Variants in IL18RAP observed in about 807,000 individuals in gnomAD.
IL18RAP encodes interleukin 18 receptor accessory protein.
A neutral mutation model predicts 58.1 loss-of-function variants in IL18RAP; 37 were observed. The observed-to-expected ratio is 0.64, with a 90% CI of 0.49 to 0.84. IL18RAP has a LOEUF of 0.84. IL18RAP is among the 40% of genes least tolerant of loss of function. The pLI, the probability that IL18RAP is intolerant of heterozygous loss-of-function variation, is 0.00. For missense variants in IL18RAP, 667 were observed against 704.8 expected, an observed-to-expected ratio of 0.95 and a Z score of 0.61; for synonymous variants, 268 against 257.5, an observed-to-expected ratio of 1.04 and a Z score of -0.39.
chr2:102,424,344 C>G lies in IL18RAP; in HGVS notation c.509C>G (p.Thr170Ser). Residue 170 changes from threonine to serine, a missense_variant, in exon 3 of 10, where the codon ACT becomes AGT. Coordinates refer to ENST00000687160, the MANE Select transcript of IL18RAP (RefSeq NM_001393487.1). ...SHKQDLLLGS[T>S]GSISCPSLSC... ...AAGCAAGACCTACTTCTTGGGAGCA[C>G]TGGCTCTATTTCTTGCCCCAGTCTC... The G allele has an allele frequency of 6.2e-7, 1 of 1,614,078 alleles. No individual in the cohort carries two copies. Among genetic ancestry groups the G allele is most frequent in the Non-Finnish European group, 8.5e-7 (1 of 1,179,982 alleles).
intron 9 of IL18RAP, 37 bp from the exon 10 acceptor site, chr2:102,451,729 A>G (rs375915940): frequency 1.9e-5 from 29 of 1,556,732 alleles, no homozygotes; most frequent in Admixed American, 7.2e-5. Context: ...AAGGTTTAAC[A>G]ATATCCATTG....
chr2:102,434,267 C>T (rs999147872), intron 3 of IL18RAP: 1 of 152,206 alleles, frequency 6.6e-6, no homozygotes, highest in Non-Finnish European at 1.5e-5. Flanking sequence ...GGGACAGCCT[C>T]ATTATATGGT....
At chr2:102,436,805 A>G (rs1031841100) in intron 3 of IL18RAP, among the ~76,000 whole-genome samples, 35 of 143,462 alleles carry the variant, frequency 2.4e-4, no homozygotes, top group South Asian at 1.6e-3. Flanking sequence ...ATGTATATAT[A>G]TGTGTGTGTG....
At chr2:102,430,192 T>C (rs1333126032) in intron 3 of IL18RAP, among the ~76,000 whole-genome samples, 1 of 152,106 alleles carries the variant, frequency 6.6e-6, no homozygotes, top group African/African-American at 2.4e-5. Flanking sequence ...TATTGCAGTC[T>C]ATCTCTTTCT....
chr2:102,429,141 A>G (rs888867161), intron 3 of IL18RAP, among the ~76,000 whole-genome samples: 36 of 151,874 alleles, frequency 2.4e-4, no homozygotes, highest in African/African-American at 7.5e-4. Flanking sequence ...TATTTTTCAG[A>G]TACTGGCCTA....
rs1172188775 is a variant in IL18RAP, at chr2:102,452,185, G to C, written c.*4G>C. 6.3e-7 allele frequency: 1 copy of C among 1,588,578 alleles called. No homozygotes were observed. The highest frequency in any genetic ancestry group is 1.2e-5 in the South Asian group (1 of 86,532). ...CTCCCAGCCTAAGGAATGGTGAAAT[G>C]AGCCCTGGAGCCCCCTCCAGTCCAG... On this transcript the variant is annotated 3_prime_UTR_variant, in exon 10 of 10. Transcript: ENST00000687160.
intron 3 of IL18RAP, among the ~76,000 whole-genome samples, chr2:102,426,272 A>G (rs1242544698): frequency 3.3e-5 from 5 of 152,148 alleles, no homozygotes; most frequent in Non-Finnish European, 5.9e-5. Flanking sequence ...AGAGAATGAA[A>G]ACATGGCTTT....
chr2:102,426,270 A>T (rs1005801650), intron 3 of IL18RAP, among the ~76,000 whole-genome samples: 3 of 152,174 alleles, frequency 2.0e-5, no homozygotes, highest in Admixed American at 2.0e-4. Flanking sequence ...TGAGAGAATG[A>T]AAACATGGCT....
At chr2:102,447,045 C>T in intron 7 of IL18RAP, 25 bp from the exon 8 acceptor site, 3 of 1,611,626 alleles carry the variant, frequency 1.9e-6, no homozygotes, top group Admixed American at 1.7e-5. Flanking sequence ...CTCTATGTCT[C>T]TTCATACTGG....
chr2:102,439,526 G>C (rs1416573984), intron 4 of IL18RAP: 2 of 152,386 alleles, frequency 1.3e-5, no homozygotes, highest in East Asian at 3.8e-4. Context: ...GGAGCAGCAA[G>C]CTTGACTCAT....
chr2:102,428,112 A>G (rs990581704), intron 3 of IL18RAP, among the ~76,000 whole-genome samples: 2 of 151,674 alleles, frequency 1.3e-5, no homozygotes, highest in Non-Finnish European at 2.9e-5. Context: ...GCTTAACAAT[A>G]TATTTTGAAA....
chr2:102,433,941 T>A (rs1038092648), intron 3 of IL18RAP: 1 of 152,248 alleles, frequency 6.6e-6, no homozygotes, highest in Non-Finnish European at 1.5e-5. Flanking sequence ...TGTGGATAAC[T>A]GGTAAGCATG....
At chr2:102,430,223 A>G (rs924329619) in intron 3 of IL18RAP, among the ~76,000 whole-genome samples, 7 of 152,026 alleles carry the variant, frequency 4.6e-5, no homozygotes, top group African/African-American at 1.7e-4. Context: ...AATGCGTTAT[A>G]TATTTAAGCG....
At chr2:102,424,536 T>C in intron 3 of IL18RAP, 122 bp downstream of exon 3, 1 of 815,438 alleles carries the variant, frequency 1.2e-6, no homozygotes, top group Non-Finnish European at 1.9e-6. Context: ...AAACTGGCCC[T>C]GTGCCTCTGC....
chr2:102,435,092 G>A (rs1682645916), intron 3 of IL18RAP: 1 of 152,208 alleles, frequency 6.6e-6, no homozygotes, highest in Non-Finnish European at 1.5e-5. Flanking sequence ...ACGGGAAAGA[G>A]CAACATAGAC....
At chr2:102,433,214 A>T (rs1336987169) in intron 3 of IL18RAP, among the ~76,000 whole-genome samples, 3 of 152,146 alleles carry the variant, frequency 2.0e-5, no homozygotes, top group Non-Finnish European at 2.9e-5. Context: ...CCTATGTTGC[A>T]TGGAAGGTTT....
chr2:102,447,772 C>G (rs558941697), intron 8 of IL18RAP, among the ~76,000 whole-genome samples: 4 of 151,652 alleles, frequency 2.6e-5, no homozygotes, highest in Non-Finnish European at 5.9e-5. Context: ...GCTCTGTCTC[C>G]CAGGCTGGAG....
intron 6 of IL18RAP, among the ~76,000 whole-genome samples, chr2:102,443,741 A>G (rs1434763415): frequency 6.6e-6 from 1 of 152,138 alleles, no homozygotes; most frequent in East Asian, 1.9e-4. Context: ...ATGGCATCAT[A>G]ATAATAAGTC....
upstream of IL18RAP, among the ~76,000 whole-genome samples, chr2:102,422,613 G>A (rs1428353005): frequency 2.0e-5 from 3 of 152,194 alleles, no homozygotes; most frequent in Non-Finnish European, 2.9e-5. Flanking sequence ...TTTGGACACA[G>A]CCCAGATCTG....
Sources: allele counts gnomAD v4.1 joint callset (sites outside exome capture counted in the v4.1 genomes callset), GRCh38; gene constraint gnomAD v4.1.1; transcripts MANE v1.5; gene names NCBI Gene and HGNC (gene_info 2026-07-23, HGNC 2026-07-21).